JAKMIP1: variants seen among roughly 807,000 people sequenced by gnomAD.
The protein encoded by JAKMIP1 is janus kinase and microtubule interacting protein 1.
In JAKMIP1, 33 loss-of-function variants were observed where a neutral mutation model predicts 113.0. The ratio of observed to expected loss-of-function variants is 0.29; its 90% CI spans 0.22 to 0.39. JAKMIP1 has a LOEUF of 0.39. JAKMIP1 is among the 10% of genes least tolerant of loss of function. The pLI is 1.00. For missense variants in JAKMIP1, 813 were observed against 1,080.5 expected, an observed-to-expected ratio of 0.75 and a Z score of 3.47; for synonymous variants, 480 against 459.9, an observed-to-expected ratio of 1.04 and a Z score of -0.56.
chr4:6,126,200 C>T (rs1225572716), intron 1 of JAKMIP1, among the ~76,000 whole-genome samples: 1 of 148,186 alleles, frequency 6.7e-6, no homozygotes, highest in Non-Finnish European at 1.5e-5. Flanking sequence ...CACACATACA[C>T]AAACACACAC....
intron 5 of JAKMIP1, among the ~76,000 whole-genome samples, chr4:6,082,307 G>C (rs1372165232): frequency 6.6e-6 from 1 of 151,034 alleles, no homozygotes; most frequent in East Asian, 2.0e-4. Flanking sequence ...AAAATATTCT[G>C]ATGGTATAGG....
At chr4:6,092,658 C>T (rs1402530992) in intron 3 of JAKMIP1, among the ~76,000 whole-genome samples, 1 of 152,222 alleles carries the variant, frequency 6.6e-6, no homozygotes, top group Admixed American at 6.5e-5. Context: ...AGCATGGCCC[C>T]TTCTAAGAGG....
chr4:6,170,919 C>A (rs1724544822), intron 1 of JAKMIP1, among the ~76,000 whole-genome samples: 2 of 149,872 alleles, frequency 1.3e-5, no homozygotes, highest in Non-Finnish European at 3.0e-5. Context: ...ACCGCCACCA[C>A]CTTTCTTACC....
intron 3 of JAKMIP1, among the ~76,000 whole-genome samples, chr4:6,100,915 T>C (rs2108864529): frequency 6.6e-6 from 1 of 152,342 alleles, no homozygotes; most frequent in Non-Finnish European, 1.5e-5. Context: ...TGAGTTTTCA[T>C]ATTATTTTAT....
At chr4:6,048,952 G>T in intron 15 of JAKMIP1, 30 bp from the exon 16 acceptor site, 2 of 1,576,672 alleles carry the variant, frequency 1.3e-6, no homozygotes, top group South Asian at 2.2e-5. Flanking sequence ...AAGGGCATTT[G>T]ACACTGGATC....
At position 6,185,201 on chromosome 4, in the gene JAKMIP1, A is replaced by G. The variant is rs1201897394; in HGVS notation, c.-148+15052T>C. 1.3e-5 allele frequency among the ~76,000 whole-genome samples: 2 copies of G among 152,216 alleles called. No individual in the cohort carries two copies. The highest frequency in any genetic ancestry group is 2.9e-5 in the Non-Finnish European group (2 of 68,032). On this transcript the variant is annotated intron_variant, in intron 1 of 20. Coordinates refer to ENST00000409021, the MANE Select transcript of JAKMIP1 (RefSeq NM_001099433.2). The surrounding 1 kb of genome is among the most constrained non-coding windows in gnomAD (Gnocchi z 5.3). ...CTTCACCTTGTGATCTTGTGAGTCA[A>G]TTATCCCAATAAACTTCCTTTCATA...
chr4:6,148,278 T>C (rs1310576443), intron 1 of JAKMIP1, among the ~76,000 whole-genome samples: 15 of 152,230 alleles, frequency 9.9e-5, no homozygotes, highest in Non-Finnish European at 1.2e-4. Context: ...CTGCATTTCC[T>C]GGTGAGATGC....
chr4:6,135,401 T>A lies in JAKMIP1; in HGVS notation c.-147-22404A>T, dbSNP rs117679377. ...GAGAGGCTTCGGAAGAAACCAACCC[T>A]GGTGGCAGCTTGATCTCGGACTTCC... On this transcript the variant is annotated intron_variant, in intron 1 of 20. Coordinates refer to ENST00000409021, the MANE Select transcript of JAKMIP1 (RefSeq NM_001099433.2). The surrounding 1 kb of genome is among the most constrained non-coding windows in gnomAD (Gnocchi z 4.9). Among the ~76,000 whole-genome samples, 16 of 152,134 alleles carry A rather than the reference T, an allele frequency of 1.1e-4. 1 individual carries two copies. In the East Asian group the frequency reaches 3.1e-3, roughly 29 times the overall value.
intron 1 of JAKMIP1, among the ~76,000 whole-genome samples, chr4:6,146,426 T>G (rs555449679): frequency 6.6e-6 from 1 of 152,196 alleles, no homozygotes; most frequent in African/African-American, 2.4e-5. Flanking sequence ...CAAGTAGTAG[T>G]TGGGACTACA....
intron 1 of JAKMIP1, among the ~76,000 whole-genome samples, chr4:6,119,616 C>T (rs111246923): frequency 1.3e-4 from 20 of 152,308 alleles, no homozygotes; most frequent in African/African-American, 2.6e-4. Context: ...TGTTTAATGC[C>T]GGAAGGCAAC....
rs1363749478 is a variant in JAKMIP1, at chr4:6,199,834, G to C, written c.-148+419C>G. Among the ~76,000 whole-genome samples the C allele has an allele frequency of 6.6e-6, 1 of 151,646 alleles. No homozygotes were observed. The highest frequency in any genetic ancestry group is 2.4e-5 in the African/African-American group (1 of 41,326). ...CGGAAGACACGGAGGGGACGGGCCGGCCACACCCCCCGCGCCACTCCGGCA... is the reference window on the plus strand; with the variant it reads ...CGGAAGACACGGAGGGGACGGGCCGCCCACACCCCCCGCGCCACTCCGGCA... On this transcript the variant is annotated intron_variant, in intron 1 of 20. Transcript: ENST00000409021. The surrounding 1 kb of genome is among the most constrained non-coding windows in gnomAD (Gnocchi z 5.6).
At chr4:6,110,918 G>A (rs1015080260) in intron 2 of JAKMIP1, among the ~76,000 whole-genome samples, 7 of 151,352 alleles carry the variant, frequency 4.6e-5, no homozygotes, top group Non-Finnish European at 7.4e-5. Flanking sequence ...CCCCAGCCCC[G>A]GAGGTGACCT....
intron 1 of JAKMIP1, among the ~76,000 whole-genome samples, chr4:6,120,652 A>G (rs1716582052): frequency 6.6e-6 from 1 of 152,232 alleles, no homozygotes; most frequent in Non-Finnish European, 1.5e-5. Context: ...TTTAAAATCC[A>G]GTGATGGTGG....
At chr4:6,078,880 T>G in intron 8 of JAKMIP1, 59 bp downstream of exon 8, 1 of 1,571,956 alleles carries the variant, frequency 6.4e-7, no homozygotes, top group Non-Finnish European at 8.8e-7. Context: ...ACGACCCATC[T>G]GCCCTGCAGA....
At position 6,139,400 on chromosome 4, in the gene JAKMIP1, C is replaced by A. The variant is rs1202523629; in HGVS notation, c.-147-26403G>T. 6.6e-6 allele frequency among the ~76,000 whole-genome samples: 1 copy of A among 152,116 alleles called. No individual in the cohort carries two copies. The highest frequency in any genetic ancestry group is 1.5e-5 in the Non-Finnish European group (1 of 68,038). ...GAGGTGGTCTTATGGGAAACAGGGTCTTTACTGAGGTCATCTAATTGAGAT... is the reference window on the plus strand; with the variant it reads ...GAGGTGGTCTTATGGGAAACAGGGTATTTACTGAGGTCATCTAATTGAGAT... On this transcript the variant is annotated intron_variant, in intron 1 of 20. Coordinates refer to ENST00000409021, the MANE Select transcript of JAKMIP1 (RefSeq NM_001099433.2). The surrounding 1 kb of genome is among the most constrained non-coding windows in gnomAD (Gnocchi z 5.2).
rs1246085131 is a variant in JAKMIP1, at chr4:6,097,368, T to C, written c.624+8105A>G. Among the ~76,000 whole-genome samples the C allele has an allele frequency of 3.3e-5, 5 of 152,144 alleles. No individual in the cohort carries two copies. Among genetic ancestry groups the C allele is most frequent in the African/African-American group, 9.7e-5 (4 of 41,424 alleles). ...TTATTCACACATACCACTGATACAG[T>C]GGAGAAGATAATGTGCTCATGGTAA... On this transcript the variant is annotated intron_variant, in intron 3 of 20. Transcript: ENST00000409021. The surrounding 1 kb of genome is among the most constrained non-coding windows in gnomAD (Gnocchi z 4.3).
intron 1 of JAKMIP1, among the ~76,000 whole-genome samples, chr4:6,190,545 A>G (rs1160444862): frequency 1.3e-5 from 2 of 152,150 alleles, no homozygotes; most frequent in East Asian, 3.9e-4. Context: ...CTCCCCAGCA[A>G]TGAGGTGGTG....
intron 3 of JAKMIP1, among the ~76,000 whole-genome samples, chr4:6,091,011 T>C (rs1407559745): frequency 6.6e-6 from 1 of 152,258 alleles, no homozygotes; most frequent in Non-Finnish European, 1.5e-5. Context: ...TGCATCCTAA[T>C]GTGTAGACAC....
chr4:6,096,347 AT>A (rs2108852728), intron 3 of JAKMIP1, among the ~76,000 whole-genome samples: 1 of 152,292 alleles, frequency 6.6e-6, no homozygotes, highest in African/African-American at 2.4e-5. Flanking sequence ...GCCTTGACTA[AT>A]TATAAATTCC....
Sources: allele counts gnomAD v4.1 joint callset (sites outside exome capture counted in the v4.1 genomes callset), GRCh38; gene constraint gnomAD v4.1.1; non-coding constraint Gnocchi (gnomAD v3.1); transcripts MANE v1.5; gene names NCBI Gene and HGNC (gene_info 2026-07-23, HGNC 2026-07-21).